The following ZNF429 variants were observed in gnomAD, a reference collection of about 807,000 sequenced individuals.
ZNF429 encodes the protein zinc finger protein 429.
In ZNF429, 53 loss-of-function variants were observed where a neutral mutation model predicts 56.8. The observed-to-expected ratio is 0.93, with a 90% CI of 0.75 to 1.17. The LOEUF (loss-of-function observed/expected upper bound fraction) is 1.17, where lower values mean the gene tolerates loss of function less well. Among genes scored for constraint, ZNF429 ranks in the 50% most tolerant of loss-of-function variants. The probability of loss-of-function intolerance (pLI) is 0.00; values close to 1 mark genes in which losing one functional copy is unlikely to be tolerated. For missense variants in ZNF429, 849 were observed against 788.4 expected, an observed-to-expected ratio of 1.08 and a Z score of -0.92; for synonymous variants, 278 against 264.7, an observed-to-expected ratio of 1.05 and a Z score of -0.49.
At chr19:21,532,299 CTT>C in intron 3 of ZNF429, among the ~76,000 whole-genome samples, 121 of 151,438 alleles carry the variant, frequency 8.0e-4, no homozygotes, top group African/African-American at 2.8e-3. Context: ...CTACAATAAA[CTT>C]TGACTAGCCA....
Position 21,535,296 on chromosome 19 carries a change from CTTCTTTCTTTCT to C in ZNF429, c.227-963_227-952del. On this transcript the variant is annotated intron_variant, in intron 3 of 3. Coordinates refer to ENST00000358491, the MANE Select transcript of ZNF429 (RefSeq NM_001001415.4). The stretch of plus-strand genomic sequence containing the variant: ...TGTGAAGTATACCACCATTTCTTTC[CTTCTTTCTTTCT>C]TTCTTTCTTTCTTTCTTTCTCTTTT... 4.2e-4 allele frequency among the ~76,000 whole-genome samples: 35 copies of C among 82,636 alleles called. 4 individuals carry two copies. The South Asian group carries it at 0.014, about 32-fold the overall frequency. 54.2% of individuals were successfully genotyped at this position (82,636 alleles called of 152,430 possible). A position where few individuals can be genotyped will look rare whatever the true frequency, so the allele number is the denominator to read the frequency against.
At chr19:21,516,442 C>G (rs1449068809) in intron 1 of ZNF429, among the ~76,000 whole-genome samples, 3 of 152,030 alleles carry the variant, frequency 2.0e-5, no homozygotes, top group African/African-American at 7.2e-5. Flanking sequence ...TTTGTTGTTC[C>G]ATATGAATTT....
rs536943907 is a variant in ZNF429 at position 21,529,734 on chromosome 19, A to G, written c.80A>G (p.Asn27Ser). 6.2e-7 allele frequency: 1 copy of G among 1,601,096 alleles called. No homozygotes were observed. Among genetic ancestry groups the G allele is most frequent in the Non-Finnish European group, 8.5e-7 (1 of 1,173,476 alleles). Reference sequence around the variant, plus strand: ...CAGTGCCTGGACACAGCACAACAGAACTTATATAGAAATGTGATGTTAGAG... The same window carrying G: ...CAGTGCCTGGACACAGCACAACAGAGCTTATATAGAAATGTGATGTTAGAG... Reference protein sequence around the residue: ...EWQCLDTAQQNLYRNVMLENY... With the variant: ...EWQCLDTAQQSLYRNVMLENY... Residue 27 changes from asparagine (N) to serine (S), a missense_variant, in exon 2 of 4, where the codon AAC becomes AGC. Coordinates refer to ENST00000358491, the MANE Select transcript of ZNF429 (RefSeq NM_001001415.4).
At position 21,539,587 on chromosome 19, in the gene ZNF429, A is replaced by ATTTT. The variant is rs59611982; in HGVS notation, c.*1521_*1524dup. On this transcript the variant is annotated 3_prime_UTR_variant, in exon 4 of 4. Transcript: ENST00000358491. Reference sequence around the variant, plus strand: ...CAGGCATACACCAGCATGTCTGGCTATTTTTTTTTTTTTTTGTATTTTTAG... The same window carrying ATTTT: ...CAGGCATACACCAGCATGTCTGGCTATTTTTTTTTTTTTTTTTTTGTATTTTTAG... Among the ~76,000 whole-genome samples, 17 of 136,708 alleles carry ATTTT rather than the reference A, an allele frequency of 1.2e-4. No individual in the cohort carries two copies. The highest frequency in any genetic ancestry group is 4.3e-4 in the African/African-American group (16 of 37,054). The allele number at this position is 136,708 out of a possible 152,430, so 89.7% of individuals were successfully genotyped here.
At chr19:21,526,692 C>A (rs546192304) in intron 1 of ZNF429, among the ~76,000 whole-genome samples, 21 of 152,272 alleles carry the variant, frequency 1.4e-4, no homozygotes, top group Non-Finnish European at 2.2e-4. Flanking sequence ...ATACTCTAAA[C>A]CTTAACGATG....
intron 1 of ZNF429, among the ~76,000 whole-genome samples, chr19:21,516,456 AAC>A (rs1182897822): frequency 6.6e-6 from 1 of 152,164 alleles, no homozygotes; most frequent in African/African-American, 2.4e-5. Flanking sequence ...TGAATTTAAA[AAC>A]AGTTTTTAGT....
intron 1 of ZNF429, among the ~76,000 whole-genome samples, chr19:21,518,044 T>C (rs1296873387): frequency 6.6e-6 from 1 of 152,188 alleles, no homozygotes; most frequent in East Asian, 1.9e-4. Flanking sequence ...CACCTCGGCC[T>C]CCCAAAGTGC....
chr19:21,517,421 A>G (rs577438134), intron 1 of ZNF429, among the ~76,000 whole-genome samples: 1 of 152,026 alleles, frequency 6.6e-6, no homozygotes, highest in South Asian at 2.1e-4. Context: ...TATGTTTGCC[A>G]GGTTTTGGTA....
intron 1 of ZNF429, among the ~76,000 whole-genome samples, chr19:21,526,353 C>G (rs1222786906): frequency 6.6e-6 from 1 of 152,138 alleles, no homozygotes; most frequent in Non-Finnish European, 1.5e-5. Flanking sequence ...CCAAAGTCCC[C>G]AAAGTCCATT....
In ZNF429 at chr19:21,540,366, ATATT is replaced by A. The variant is rs2033878885; in HGVS notation, c.*2292_*2295del. ...AGTTAATATTGTTCCCATAGGTTAA[ATATT>A]TATCCTTTTTTTGATATTTAAATTT... is the stretch of plus-strand genomic sequence containing the variant. On this transcript the variant is annotated 3_prime_UTR_variant, in exon 4 of 4. Coordinates refer to ENST00000358491, the MANE Select transcript of ZNF429 (RefSeq NM_001001415.4). 6.6e-6 allele frequency among the ~76,000 whole-genome samples: 1 copy of A among 152,052 alleles called. No homozygotes were observed. The highest frequency in any genetic ancestry group is 2.1e-4 in the South Asian group (1 of 4,830).
intron 3 of ZNF429, among the ~76,000 whole-genome samples, chr19:21,531,135 A>AAAC: frequency 7.1e-6 from 1 of 140,984 alleles, no homozygotes; most frequent in African/African-American, 2.7e-5. Flanking sequence ...AAAAACCAAA[A>AAAC]AAAAAAAAAC....
rs921836108 is a variant in ZNF429, at chr19:21,538,368, G to C, written c.*290G>C. 1.3e-5 allele frequency among the ~76,000 whole-genome samples: 2 copies of C among 151,498 alleles called. No individual in the cohort carries two copies. The highest frequency in any genetic ancestry group is 2.9e-5 in the Non-Finnish European group (2 of 67,914). On this transcript the variant is annotated 3_prime_UTR_variant, in exon 4 of 4. Coordinates refer to ENST00000358491, the MANE Select transcript of ZNF429 (RefSeq NM_001001415.4). ...TGTAATCCCAGCACTTTGGGAGGCC[G>C]AGGCGGGTGGATCACGAGGTCAGGA...
chr19:21,508,089 C>G (rs1033157120), intron 1 of ZNF429, among the ~76,000 whole-genome samples: 3 of 151,980 alleles, frequency 2.0e-5, no homozygotes, highest in African/African-American at 7.3e-5. Flanking sequence ...TCCGTCTCTA[C>G]TAAAAACAGA....
Position 21,535,476 on chromosome 19 carries a change from C to T in ZNF429, c.227-804C>T. On this transcript the variant is annotated intron_variant, in intron 3 of 3. Transcript: ENST00000358491. The stretch of plus-strand genomic sequence containing the variant: ...TCTTTCTTTCTTTCTTTCTTTCTTT[C>T]TTTCTTTCTTTCTTTCTTTCTTCTT... 1.0e-3 allele frequency among the ~76,000 whole-genome samples: 47 copies of T among 46,718 alleles called. 4 individuals are homozygous for T. The highest frequency in any genetic ancestry group is 6.5e-3 in the South Asian group (11 of 1,702). The allele number at this position is 46,718 out of a possible 152,430, so 30.6% of individuals were successfully genotyped here.
At chr19:21,520,697 G>A (rs2032957388) in intron 1 of ZNF429, among the ~76,000 whole-genome samples, 1 of 152,132 alleles carries the variant, frequency 6.6e-6, no homozygotes, top group African/African-American at 2.4e-5. Flanking sequence ...AAGTTCCTTT[G>A]AGAGAAAACT....
chr19:21,533,570 C>T, intron 3 of ZNF429, among the ~76,000 whole-genome samples: 10 of 137,156 alleles, frequency 7.3e-5, no homozygotes, highest in African/African-American at 2.7e-4. Context: ...GTTAGTGGTT[C>T]TTTTTTTTTT....
chr19:21,531,128 AAC>A, intron 3 of ZNF429, among the ~76,000 whole-genome samples: 11 of 100,292 alleles, frequency 1.1e-4, no homozygotes, highest in Non-Finnish European at 1.3e-4. Flanking sequence ...AAAAAAAAAA[AAC>A]CAAAAAAAAA....
chr19:21,517,671 C>T (rs375954662), intron 1 of ZNF429, among the ~76,000 whole-genome samples: 8,455 of 109,954 alleles, frequency 0.077, no homozygotes, highest in Admixed American at 0.093. Context: ...AATGTATTTG[C>T]CCAGAAATTT....
chr19:21,534,878 C>T, intron 3 of ZNF429, among the ~76,000 whole-genome samples: 2 of 150,448 alleles, frequency 1.3e-5, no homozygotes, highest in South Asian at 4.2e-4. Context: ...GGCGTGATCT[C>T]GGCTCACTGC....
Sources: allele counts gnomAD v4.1 joint callset (sites outside exome capture counted in the v4.1 genomes callset), GRCh38; gene constraint gnomAD v4.1.1; transcripts MANE v1.5; gene names NCBI Gene and HGNC (gene_info 2026-07-23, HGNC 2026-07-21).